Variants in NALF1 observed in about 807,000 individuals in gnomAD.
NALF1 encodes NALCN channel auxiliary factor 1.
NALF1 carries 3 observed loss-of-function variants against 48.4 expected under a neutral mutation model. The observed-to-expected ratio is 0.06, with a 90% confidence interval of 0.03 to 0.16. The LOEUF is 0.16. Among genes scored for constraint, NALF1 ranks in the 10% least tolerant of loss-of-function variants. The pLI is 1.00. For synonymous variants in NALF1, 262 were observed against 245.7 expected (o/e 1.07, Z -0.62); for missense variants, 526 against 571.5 (o/e 0.92, Z 0.81).
intron 1 of NALF1, among the ~76,000 whole-genome samples, chr13:107,610,225 T>G (rs1013540706): frequency 6.6e-6 from 1 of 151,672 alleles, no homozygotes; most frequent in African/African-American, 2.4e-5. Context: ...TGAAGATGTA[T>G]GTATTACATA....
intron 1 of NALF1, among the ~76,000 whole-genome samples, chr13:107,432,649 G>A (rs1371922157): frequency 6.6e-6 from 1 of 152,078 alleles, no homozygotes; most frequent in African/African-American, 2.4e-5. Context: ...TGGATGTGAG[G>A]AAGGGGTGGC....
chr13:107,412,298 A>G (rs1884005947), intron 1 of NALF1, among the ~76,000 whole-genome samples: 1 of 152,204 alleles, frequency 6.6e-6, no homozygotes, highest in Admixed American at 6.6e-5. Context: ...TGAGTTAGAT[A>G]CTATTATCAC....
intron 1 of NALF1, among the ~76,000 whole-genome samples, chr13:107,807,082 G>T (rs1053224582): frequency 1.3e-3 from 196 of 152,012 alleles, no homozygotes; most frequent in Non-Finnish European, 5.3e-4. Flanking sequence ...GTACATAATA[G>T]TATATTCACA....
intron 1 of NALF1, among the ~76,000 whole-genome samples, chr13:107,511,495 C>A (rs1875890903): frequency 6.6e-6 from 1 of 152,036 alleles, no homozygotes; most frequent in Admixed American, 6.6e-5. Context: ...TCATAAATTC[C>A]CAAATACCAG....
At chr13:107,263,837 G>A (rs1457324633) in intron 1 of NALF1, among the ~76,000 whole-genome samples, 2 of 152,050 alleles carry the variant, frequency 1.3e-5, no homozygotes, top group Admixed American at 6.6e-5. Flanking sequence ...CTCTTTCCTA[G>A]GAAAATTATC....
intron 2 of NALF1, 54 bp downstream of exon 2, chr13:107,210,530 C>G (rs1879739173): frequency 7.8e-7 from 1 of 1,287,924 alleles, no homozygotes; most frequent in Admixed American, 1.8e-5. Context: ...AAACATCACA[C>G]AAGAAAGCAA....
rs2391464 is a variant in NALF1 at position 107,612,404 on chromosome 13, T to G, written c.915+253278A>C. Among the ~76,000 whole-genome samples, 3,116 of 151,816 alleles carry G rather than the reference T, an allele frequency of 0.021. 214 individuals carry two copies. In the East Asian group the frequency reaches 0.26, roughly 13 times the overall value. ...ATATACATTTAAATGTGATTGGGGG[T>G]GTGATTCTTCATTTTATACGTCGGC... On this transcript the variant is annotated intron_variant, in intron 1 of 2. Transcript: ENST00000375915.
At chr13:107,649,023 T>C (rs1880382842) in intron 1 of NALF1, among the ~76,000 whole-genome samples, 1 of 152,208 alleles carries the variant, frequency 6.6e-6, no homozygotes, top group African/African-American at 2.4e-5. Context: ...ATTTTTAAAT[T>C]TGTACTGTTT....
chr13:107,703,116 T>C (rs1881864066), intron 1 of NALF1, among the ~76,000 whole-genome samples: 1 of 152,112 alleles, frequency 6.6e-6, no homozygotes, highest in African/African-American at 2.4e-5. Flanking sequence ...GTTCTACTAG[T>C]TTTCTATTAT....
intron 1 of NALF1, among the ~76,000 whole-genome samples, chr13:107,711,616 T>A (rs1181215067): frequency 6.6e-6 from 1 of 152,216 alleles, no homozygotes; most frequent in Non-Finnish European, 1.5e-5. Flanking sequence ...AACCAGTCAG[T>A]TATATAAAGC....
At chr13:107,735,701 T>C (rs1876448484) in intron 1 of NALF1, among the ~76,000 whole-genome samples, 1 of 152,196 alleles carries the variant, frequency 6.6e-6, no homozygotes, top group African/African-American at 2.4e-5. Flanking sequence ...GTAAATATTG[T>C]ACAAATAGCT....
At position 107,711,750 on chromosome 13, in the gene NALF1, G is replaced by A. The variant is rs79010327; in HGVS notation, c.915+153932C>T. Among the ~76,000 whole-genome samples the A allele has an allele frequency of 1.6e-3, 243 of 152,314 alleles. 1 individual carries two copies. The highest frequency in any genetic ancestry group is 9.8e-3 in the East Asian group (51 of 5,190). On this transcript the variant is annotated intron_variant, in intron 1 of 2. Coordinates refer to ENST00000375915, the MANE Select transcript of NALF1 (RefSeq NM_001080396.3). Reference sequence around the variant, plus strand: ...TATGACAACAATAGGGTATTCAGCAGAAATTTCAAACAGCATTCTCAAGAC... The same window carrying A: ...TATGACAACAATAGGGTATTCAGCAAAAATTTCAAACAGCATTCTCAAGAC...
chr13:107,782,160 TCTC>T (rs1400462353), intron 1 of NALF1, among the ~76,000 whole-genome samples: 2 of 152,170 alleles, frequency 1.3e-5, no homozygotes, highest in Non-Finnish European at 2.9e-5. Context: ...CCTGCCTGAT[TCTC>T]CTGCCTCAGC....
chr13:107,244,465 T>C (rs1411303775), intron 1 of NALF1, among the ~76,000 whole-genome samples: 1 of 152,244 alleles, frequency 6.6e-6, no homozygotes, highest in Non-Finnish European at 1.5e-5. Flanking sequence ...AAGATGAATA[T>C]GACCTTTATT....
intron 1 of NALF1, among the ~76,000 whole-genome samples, chr13:107,838,463 T>C (rs1471868200): frequency 6.6e-6 from 1 of 152,204 alleles, no homozygotes; most frequent in Admixed American, 6.5e-5. Context: ...CACCATGCAT[T>C]TGGAAATCAG....
chr13:107,422,332 C>T (rs75352708), intron 1 of NALF1, among the ~76,000 whole-genome samples: 2,745 of 152,238 alleles, frequency 0.018, 33 homozygotes, highest in South Asian at 0.029. Flanking sequence ...AGTACATGGA[C>T]ATGATGAAGA....
intron 1 of NALF1, chr13:107,466,423 G>C (rs764000): frequency 0.26 from 39,504 of 152,256 alleles, 5,949 homozygotes; most frequent in Non-Finnish European, 0.33. Flanking sequence ...TAATGACATG[G>C]ATAAGGTAAT....
At chr13:107,240,319 G>A (rs934315535) in intron 1 of NALF1, among the ~76,000 whole-genome samples, 7 of 152,166 alleles carry the variant, frequency 4.6e-5, no homozygotes, top group African/African-American at 1.7e-4. Flanking sequence ...CCAAAACTCT[G>A]AGAAGTAAGT....
intron 1 of NALF1, among the ~76,000 whole-genome samples, chr13:107,223,026 AT>A (rs1043815323): frequency 3.6e-4 from 55 of 152,220 alleles, no homozygotes; most frequent in African/African-American, 1.1e-3. Context: ...TCTCCGATAC[AT>A]TTTTTTAAGG....
Sources: allele counts gnomAD v4.1 joint callset (sites outside exome capture counted in the v4.1 genomes callset), GRCh38; gene constraint gnomAD v4.1.1; transcripts MANE v1.5; gene names NCBI Gene and HGNC (gene_info 2026-07-23, HGNC 2026-07-21).